The following MAML2 variants were observed in gnomAD, a reference collection of about 807,000 sequenced individuals.
The protein encoded by MAML2 is mastermind like transcriptional coactivator 2.
In MAML2, 22 loss-of-function variants were observed where a neutral mutation model predicts 96.1. That is an observed-to-expected ratio of 0.23 (90% CI 0.16 to 0.33). The LOEUF is 0.33. Among genes scored for constraint, MAML2 ranks in the 10% least tolerant of loss-of-function variants. The pLI, the probability that MAML2 is intolerant of heterozygous loss-of-function variation, is 1.00. For synonymous variants in MAML2, 561 were observed against 521.3 expected (o/e 1.08, Z -1.04); for missense variants, 1,367 against 1,392.4 (o/e 0.98, Z 0.29).
intron 2 of MAML2, 71 bp from the exon 3 acceptor site, chr11:95,991,794 A>G: frequency 3.4e-6 from 4 of 1,164,466 alleles, no homozygotes; most frequent in Non-Finnish European, 5.1e-6. Context: ...CAAAGATCAT[A>G]CACTCAGATT....
chr11:96,122,303 A>AC, intron 1 of MAML2, among the ~76,000 whole-genome samples: 2 of 145,930 alleles, frequency 1.4e-5, no homozygotes, highest in East Asian at 4.0e-4. Context: ...AAACCTGCAG[A>AC]TTTTTTTTTT....
intron 1 of MAML2, among the ~76,000 whole-genome samples, chr11:96,215,890 G>A (rs770696057): frequency 1.2e-4 from 19 of 152,294 alleles, no homozygotes; most frequent in Middle Eastern, 6.8e-3. Flanking sequence ...CAAAGGCAAT[G>A]AGAATGTCTT....
intron 1 of MAML2, among the ~76,000 whole-genome samples, chr11:96,265,804 C>T (rs1862817809): frequency 6.6e-6 from 1 of 152,188 alleles, no homozygotes; most frequent in African/African-American, 2.4e-5. Flanking sequence ...CCCCAAGCGG[C>T]CCAACTTATG....
intron 4 of MAML2, 136 bp from the exon 5 acceptor site, chr11:95,980,099 T>C (rs1250296291): frequency 1.4e-6 from 1 of 700,494 alleles, no homozygotes; most frequent in Non-Finnish European, 2.4e-6. Context: ...TCAAATAAAT[T>C]ATATAAAAGG....
chr11:96,230,808 G>A (rs1428211496), intron 1 of MAML2, among the ~76,000 whole-genome samples: 1 of 152,226 alleles, frequency 6.6e-6, no homozygotes, highest in East Asian at 1.9e-4. Context: ...GAATATATTT[G>A]ACACTTGTCT....
chr11:96,126,764 T>C (rs2135851679), intron 1 of MAML2, among the ~76,000 whole-genome samples: 1 of 152,328 alleles, frequency 6.6e-6, no homozygotes, highest in East Asian at 1.9e-4. Context: ...AATCCAATTA[T>C]ATATTCATTG....
At chr11:96,268,684 G>A (rs1862865540) in intron 1 of MAML2, among the ~76,000 whole-genome samples, 1 of 152,122 alleles carries the variant, frequency 6.6e-6, no homozygotes, top group Admixed American at 6.5e-5. Flanking sequence ...TTGAATCATA[G>A]GGGTGAGTCT....
chr11:96,212,424 A>G (rs575232), intron 1 of MAML2, among the ~76,000 whole-genome samples: 124,214 of 151,944 alleles, frequency 0.82, 50,904 homozygotes, highest in Admixed American at 0.84. Context: ...GGATCCAGCA[A>G]AGAAGGAGCA....
At chr11:96,194,042 G>A (rs1338241825) in intron 1 of MAML2, among the ~76,000 whole-genome samples, 1 of 152,212 alleles carries the variant, frequency 6.6e-6, no homozygotes, top group Non-Finnish European at 1.5e-5. Context: ...GGAACTCAAT[G>A]AGACAAAGCA....
intron 1 of MAML2, among the ~76,000 whole-genome samples, chr11:96,323,464 T>C (rs1467285973): frequency 2.1e-5 from 3 of 144,276 alleles, no homozygotes; most frequent in Non-Finnish European, 4.5e-5. Context: ...TGAGTTTGTA[T>C]TGCCCTTTAC....
chr11:95,995,657 C>T (rs1416595932), intron 2 of MAML2, among the ~76,000 whole-genome samples: 1 of 152,158 alleles, frequency 6.6e-6, no homozygotes, highest in Non-Finnish European at 1.5e-5. Flanking sequence ...AAGGAGCTCA[C>T]ACTGTAAGTG....
chr11:96,308,817 G>A (rs1863500499), intron 1 of MAML2, among the ~76,000 whole-genome samples: 1 of 152,116 alleles, frequency 6.6e-6, no homozygotes, highest in African/African-American at 2.4e-5. Context: ...TGAAGCTGGG[G>A]ACCATGTAGC....
At chr11:96,031,353 GTGTGTT>G (rs1346702560) in intron 2 of MAML2, among the ~76,000 whole-genome samples, 215 of 152,000 alleles carry the variant, frequency 1.4e-3, no homozygotes, top group African/African-American at 4.8e-3. Context: ...GTGTGTGTGT[GTGTGTT>G]TGTGTGTTTT....
chr11:96,060,661 C>T (rs1859143284), intron 2 of MAML2, among the ~76,000 whole-genome samples: 2 of 152,180 alleles, frequency 1.3e-5, no homozygotes, highest in South Asian at 4.1e-4. Flanking sequence ...TGCTGCAATT[C>T]GTTAAAGCTG....
intron 1 of MAML2, among the ~76,000 whole-genome samples, chr11:96,246,440 C>CA (rs1452161509): frequency 4.6e-5 from 7 of 152,088 alleles, no homozygotes; most frequent in Admixed American, 2.0e-4. Flanking sequence ...CACAAGGCAT[C>CA]ATCAAGCACA....
chr11:96,132,041 A>G (rs1235283624), intron 1 of MAML2, among the ~76,000 whole-genome samples: 1 of 152,156 alleles, frequency 6.6e-6, no homozygotes, highest in African/African-American at 2.4e-5. Context: ...AAGCCAATGA[A>G]TTGTACATTT....
intron 1 of MAML2, among the ~76,000 whole-genome samples, chr11:96,280,064 AGC>A (rs1863043449): frequency 6.6e-6 from 1 of 152,224 alleles, no homozygotes; most frequent in Non-Finnish European, 1.5e-5. Context: ...ATAGAGATAT[AGC>A]TCTACACAGC....
chr11:95,977,845 A>G lies in MAML2; in HGVS notation c.*1103T>C, dbSNP rs78903642. 8.9e-3 allele frequency: 2,014 copies of G among 226,548 alleles called. 51 individuals carry two copies. Among genetic ancestry groups the G allele is most frequent in the African/African-American group, 0.041 (1,863 of 45,126 alleles). The allele number at this position is 226,548 out of a possible 1,614,324, so 14.0% of individuals were successfully genotyped here. ...AAATAATACGTCCAATGAAGGACAA[A>G]TTGTTTTCCCTCTTGATTATGCGTT... On this transcript the variant is annotated 3_prime_UTR_variant, in exon 5 of 5. Transcript: ENST00000524717.
intron 2 of MAML2, among the ~76,000 whole-genome samples, chr11:96,032,493 A>G (rs1270525858): frequency 6.6e-6 from 1 of 150,542 alleles, no homozygotes; most frequent in East Asian, 2.0e-4. Context: ...AGGCTGAGAC[A>G]GGAGGATTGC....
Sources: allele counts gnomAD v4.1 joint callset (sites outside exome capture counted in the v4.1 genomes callset), GRCh38; gene constraint gnomAD v4.1.1; transcripts MANE v1.5; gene names NCBI Gene and HGNC (gene_info 2026-07-23, HGNC 2026-07-21).